The following SGCG variants were observed in gnomAD, a reference collection of about 807,000 sequenced individuals.
SGCG encodes sarcoglycan gamma.
SGCG carries 26 observed loss-of-function variants against 29.3 expected under a neutral mutation model. The observed-to-expected ratio is 0.89, with a 90% CI of 0.65 to 1.23. The LOEUF is 1.23. Ranked by LOEUF, SGCG falls within the 50% of genes most tolerant of loss-of-function variation. SGCG has a pLI of 0.00. For missense variants in SGCG, 353 were observed against 356.0 expected, an observed-to-expected ratio of 0.99 and a Z score of 0.07; for synonymous variants, 145 against 129.7, an observed-to-expected ratio of 1.12 and a Z score of -0.80.
chr13:23,221,315 A>G (rs1878646742), intron 2 of SGCG, among the ~76,000 whole-genome samples: 1 of 151,968 alleles, frequency 6.6e-6, no homozygotes, highest in Non-Finnish European at 1.5e-5. Context: ...TTATGAAAGC[A>G]CAAGTTAAAA....
intron 2 of SGCG, among the ~76,000 whole-genome samples, chr13:23,220,130 C>T (rs370826532): frequency 1.3e-5 from 2 of 151,966 alleles, no homozygotes; most frequent in East Asian, 1.9e-4. Flanking sequence ...GCTGAGCTAC[C>T]GCGCCAGGCC....
At chr13:23,244,428 T>C (rs543054985) in intron 3 of SGCG, 2 of 152,336 alleles carry the variant, frequency 1.3e-5, no homozygotes, top group South Asian at 4.1e-4. Flanking sequence ...TGGTATTTCT[T>C]ATAGAAAAGT....
chr13:23,244,396 C>A (rs1879621158), intron 3 of SGCG: 1 of 152,244 alleles, frequency 6.6e-6, no homozygotes, highest in South Asian at 2.1e-4. Flanking sequence ...TTATGAGAAG[C>A]CTTTGTGTTT....
intron 6 of SGCG, among the ~76,000 whole-genome samples, chr13:23,301,999 A>G (rs1788681808): frequency 6.6e-6 from 1 of 152,178 alleles, no homozygotes; most frequent in Non-Finnish European, 1.5e-5. Context: ...TTTAAATAAC[A>G]TAAATCATTT....
chr13:23,237,766 A>C (rs935541103), intron 3 of SGCG, among the ~76,000 whole-genome samples: 2 of 150,894 alleles, frequency 1.3e-5, no homozygotes, highest in Non-Finnish European at 2.9e-5. Context: ...GTGGAACATA[A>C]AACTTGAAAT....
intron 6 of SGCG, 22 bp from the exon 7 acceptor site, chr13:23,320,615 G>GCTTCTTT: frequency 4.2e-6 from 3 of 710,892 alleles, no homozygotes; most frequent in East Asian, 6.3e-5. Context: ...TTTTTTTTTT[G>GCTTCTTT]TGCTTCTTTT....
rs772566132 is a variant in SGCG, at chr13:23,250,685, CAG to C, written c.355_356del (p.Glu119ArgfsTer36). ...AATGTGACTGTAAATGCGCGCAACT[CAG>C]AAGGGGAGGTCACAGGCAGGTTAAA... On this transcript the variant is annotated frameshift_variant, in exon 4 of 8. Coordinates refer to ENST00000218867, the MANE Select transcript of SGCG (RefSeq NM_000231.3). LOFTEE classifies it high-confidence loss of function. 6.2e-7 allele frequency: 1 copy of C among 1,612,136 alleles called. No individual in the cohort carries two copies. The highest frequency in any genetic ancestry group is 1.1e-5 in the South Asian group (1 of 90,976).
chr13:23,223,154 T>C (rs1327642202), intron 2 of SGCG, among the ~76,000 whole-genome samples: 2 of 151,776 alleles, frequency 1.3e-5, no homozygotes, highest in Non-Finnish European at 2.9e-5. Flanking sequence ...GGCGGGCGCC[T>C]GTAGTTCCAG....
At chr13:23,323,480 A>C (rs1883122313) in intron 7 of SGCG, among the ~76,000 whole-genome samples, 1 of 152,230 alleles carries the variant, frequency 6.6e-6, no homozygotes, top group Non-Finnish European at 1.5e-5. Flanking sequence ...CTCCTTGGCA[A>C]GGACAGAATT....
intron 6 of SGCG, among the ~76,000 whole-genome samples, chr13:23,299,046 G>A (rs751700762): frequency 1.2e-4 from 19 of 152,124 alleles, no homozygotes; most frequent in South Asian, 4.1e-4. Flanking sequence ...CACAGAATTT[G>A]TTTCATTTAA....
chr13:23,255,052 G>A (rs1472888095), intron 4 of SGCG, among the ~76,000 whole-genome samples: 2 of 152,234 alleles, frequency 1.3e-5, no homozygotes, highest in Admixed American at 6.5e-5. Flanking sequence ...GGAAATGTGG[G>A]GGTGAAAGCC....
At chr13:23,312,471 T>C (rs1211517411) in intron 6 of SGCG, among the ~76,000 whole-genome samples, 1 of 152,262 alleles carries the variant, frequency 6.6e-6, no homozygotes, top group Non-Finnish European at 1.5e-5. Context: ...GTTTTCATTT[T>C]CAATGACATT....
intron 3 of SGCG, chr13:23,246,431 GCACCTTTAC>G (rs1419234641): frequency 2.0e-5 from 3 of 152,180 alleles, no homozygotes; most frequent in African/African-American, 7.2e-5. Flanking sequence ...CCTTTCAAAG[GCACCTTTAC>G]CAAATTCAGA....
At chr13:23,187,671 C>T (rs1023105228) in intron 1 of SGCG, among the ~76,000 whole-genome samples, 15 of 152,188 alleles carry the variant, frequency 9.9e-5, no homozygotes, top group Non-Finnish European at 1.9e-4. Context: ...GTCCCTCGCA[C>T]ATGTTCCCTC....
At chr13:23,193,136 G>GAACC (rs1877345871) in intron 1 of SGCG, among the ~76,000 whole-genome samples, 2 of 152,220 alleles carry the variant, frequency 1.3e-5, no homozygotes, top group Non-Finnish European at 2.9e-5. Flanking sequence ...GTATGGACCG[G>GAACC]TTTTCCCGGC....
At chr13:23,257,262 A>G (rs1170481162) in intron 4 of SGCG, among the ~76,000 whole-genome samples, 1 of 152,026 alleles carries the variant, frequency 6.6e-6, no homozygotes, top group Non-Finnish European at 1.5e-5. Flanking sequence ...TAGATTCTGG[A>G]TATTAGCCCT....
chr13:23,194,908 G>A (rs1436142699), intron 1 of SGCG, among the ~76,000 whole-genome samples: 2 of 152,184 alleles, frequency 1.3e-5, no homozygotes, highest in East Asian at 3.8e-4. Context: ...AACAGTAGGT[G>A]CCCACTGTAA....
chr13:23,234,154 A>G lies in SGCG; in HGVS notation c.196-457A>G, dbSNP rs543621923. ...TTCACTTAAGAAGTGTTCAATAAAT[A>G]TTTACTACAGAGTGAACTCAGATGA... is the stretch of plus-strand genomic sequence containing the variant. On this transcript the variant is annotated intron_variant, in intron 2 of 7. Transcript: ENST00000218867. 2.0e-3 allele frequency among the ~76,000 whole-genome samples: 308 copies of G among 152,224 alleles called. 1 individual carries two copies. The highest frequency in any genetic ancestry group is 7.2e-3 in the African/African-American group (300 of 41,544).
chr13:23,250,850 G>GT, intron 4 of SGCG, 133 bp downstream of exon 4: 1 of 718,640 alleles, frequency 1.4e-6, no homozygotes, highest in Non-Finnish European at 2.5e-6. Flanking sequence ...ATATCATGCT[G>GT]TGTTGACCAC....
Sources: allele counts gnomAD v4.1 joint callset (sites outside exome capture counted in the v4.1 genomes callset), GRCh38; gene constraint gnomAD v4.1.1; transcripts MANE v1.5; gene names NCBI Gene and HGNC (gene_info 2026-07-23, HGNC 2026-07-21).